Variants in HERC3 observed in about 807,000 individuals in gnomAD.
HERC3 encodes the protein HECT and RLD domain containing E3 ubiquitin protein ligase 3.
Under a neutral mutation model 129.9 loss-of-function variants are expected in HERC3, and 58 were observed. That is an observed-to-expected ratio of 0.45 (90% CI 0.36 to 0.56). HERC3 has a LOEUF of 0.56. Among genes scored for constraint, HERC3 ranks in the 20% least tolerant of loss-of-function variants. The probability of loss-of-function intolerance (pLI) is 0.00; values close to 1 mark genes in which losing one functional copy is unlikely to be tolerated. For missense variants in HERC3, 835 were observed against 1,244.2 expected (o/e 0.67, Z 4.95); for synonymous variants, 430 against 451.0 (o/e 0.95, Z 0.59).
At chr4:88,531,646 G>A in the HERC3 span, among the ~76,000 whole-genome samples, 4 of 152,110 alleles carry the variant, frequency 2.6e-5, no homozygotes, top group Non-Finnish European at 4.4e-5. Context: ...GTTGGAAAAC[G>A]AACAAGTACA....
intron 3 of HERC3, among the ~76,000 whole-genome samples, chr4:88,606,269 T>G (rs1171924326): frequency 1.9e-4 from 27 of 144,874 alleles, no homozygotes; most frequent in Non-Finnish European, 3.3e-4. Context: ...TTTTTTTTTT[T>G]GAGATATGGT....
In HERC3 at chr4:88,652,875, A is replaced by T. The variant is rs755279614; in HGVS notation, c.470A>T (p.Gln157Leu). Residue 157 changes from glutamine to leucine, a missense_variant, in exon 6 of 26, where the codon CAG (glutamine) becomes CTG (leucine). Gln to Leu is a moderately radical substitution (Grantham distance 113). Transcript: ENST00000402738. ...AGTTATCCTGTTATTTCAGATGGCC[A>T]GTTCTTCACCTGGGGAAAGAACAGC... ...WHCLALAADG[Q>L]FFTWGKNSHG... The T allele has an allele frequency of 6.2e-7, 1 of 1,606,474 alleles. No homozygotes were observed. The highest frequency in any genetic ancestry group is 8.5e-7 in the Non-Finnish European group (1 of 1,174,690).
At chr4:88,674,747 AGAGT>A (rs1400784529) in intron 16 of HERC3, among the ~76,000 whole-genome samples, 3 of 152,154 alleles carry the variant, frequency 2.0e-5, no homozygotes, top group African/African-American at 7.2e-5. Context: ...TGTAGGCATG[AGAGT>A]GAGTAAGATT....
intron 23 of HERC3, 57 bp downstream of exon 23, chr4:88,687,356 A>C (rs1299811876): frequency 2.6e-6 from 3 of 1,147,850 alleles, no homozygotes; most frequent in Non-Finnish European, 3.8e-6. Context: ...CTGCAGTTTT[A>C]CATTTAAGAC....
chr4:88,560,038 C>T, the HERC3 span, among the ~76,000 whole-genome samples: 1 of 151,050 alleles, frequency 6.6e-6, no homozygotes, highest in Non-Finnish European at 1.5e-5. Context: ...TGGCTCACTG[C>T]AACCTCCACC....
At chr4:88,704,346 TC>T in intron 24 of HERC3, 65 bp downstream of exon 24, 1 of 1,511,866 alleles carries the variant, frequency 6.6e-7, no homozygotes. Flanking sequence ...GGGGAGGTGT[TC>T]CCAGAGCCTG....
chr4:88,611,499 T>G (rs1373121128), intron 3 of HERC3, among the ~76,000 whole-genome samples: 2 of 152,202 alleles, frequency 1.3e-5, no homozygotes, highest in Middle Eastern at 3.2e-3. Flanking sequence ...AAGAGGATTT[T>G]TCTGGGGGTT....
At chr4:88,698,148 C>G (rs540200050) in intron 23 of HERC3, among the ~76,000 whole-genome samples, 22 of 152,310 alleles carry the variant, frequency 1.4e-4, no homozygotes, top group African/African-American at 5.3e-4. Context: ...TCCTCACCCC[C>G]ATCCAGGCCC....
intron 25 of HERC3, among the ~76,000 whole-genome samples, chr4:88,705,786 G>A (rs986622429): frequency 6.6e-6 from 1 of 152,188 alleles, no homozygotes; most frequent in Non-Finnish European, 1.5e-5. Context: ...AGTCTATTTT[G>A]CTTTATAAGA....
At chr4:88,578,794 A>G in the HERC3 span, among the ~76,000 whole-genome samples, 1 of 152,190 alleles carries the variant, frequency 6.6e-6, no homozygotes, top group South Asian at 2.1e-4. Context: ...ACAAGAAAAC[A>G]GAGGCATGGG....
At chr4:88,635,001 T>A (rs1324348362) in intron 3 of HERC3, among the ~76,000 whole-genome samples, 1 of 151,740 alleles carries the variant, frequency 6.6e-6, no homozygotes, top group East Asian at 1.9e-4. Flanking sequence ...TATCCAAGGG[T>A]TAGCAGGCTC....
intron 3 of HERC3, among the ~76,000 whole-genome samples, chr4:88,642,315 A>G (rs186570169): frequency 6.6e-6 from 1 of 152,274 alleles, no homozygotes; most frequent in Non-Finnish European, 1.5e-5. Context: ...TGATACAGAA[A>G]ACAGAATTTG....
rs1283805398 is a variant in HERC3, at chr4:88,707,687, G to A, written c.*727G>A. On this transcript the variant is annotated 3_prime_UTR_variant, in exon 26 of 26. Transcript: ENST00000402738. ...GCAGCTTAGCATTCGTTGCAGCTGA[G>A]CCTAATTTTTTCTTGCTCATCCTTG... 1.3e-5 allele frequency: 2 copies of A among 152,204 alleles called. No individual in the cohort carries two copies. The highest frequency in any genetic ancestry group is 6.5e-5 in the Admixed American group (1 of 15,274). The allele number at this position is 152,204 out of a possible 1,614,324, so 9.4% of individuals were successfully genotyped here. A position where few individuals can be genotyped will look rare whatever the true frequency, so the allele number is the denominator to read the frequency against.
the HERC3 span, among the ~76,000 whole-genome samples, chr4:88,546,505 C>T: frequency 6.6e-6 from 1 of 151,576 alleles, no homozygotes; most frequent in African/African-American, 2.4e-5. Flanking sequence ...CCCTTCCTCC[C>T]TTCCTCCTTT....
At chr4:88,563,568 TATC>T in the HERC3 span, among the ~76,000 whole-genome samples, 2 of 152,194 alleles carry the variant, frequency 1.3e-5, no homozygotes, top group African/African-American at 4.8e-5. Flanking sequence ...TGGGCATCCT[TATC>T]ATGTTCTAGA....
chr4:88,644,068 A>G (rs1728435279), intron 3 of HERC3, among the ~76,000 whole-genome samples: 1 of 152,194 alleles, frequency 6.6e-6, no homozygotes, highest in Non-Finnish European at 1.5e-5. Flanking sequence ...TGCAAATTAA[A>G]ACCGTAATGA....
chr4:88,537,790 T>C, the HERC3 span, among the ~76,000 whole-genome samples: 1 of 152,320 alleles, frequency 6.6e-6, no homozygotes, highest in Admixed American at 6.5e-5. Context: ...AAATTATTTA[T>C]AAAAACAAGA....
At chr4:88,600,837 G>A (rs530231845) in intron 2 of HERC3, among the ~76,000 whole-genome samples, 1 of 152,244 alleles carries the variant, frequency 6.6e-6, no homozygotes, top group Non-Finnish European at 1.5e-5. Context: ...TCTCTGTAAG[G>A]CACATCACAA....
At chr4:88,656,085 A>T in intron 9 of HERC3, 50 bp downstream of exon 9, 1 of 1,570,016 alleles carries the variant, frequency 6.4e-7, no homozygotes, top group South Asian at 1.1e-5. Flanking sequence ...TGATGAAAAC[A>T]GTTGTTTACA....
Sources: gnomAD v4.1 joint callset for allele counts (sites outside exome capture counted in the v4.1 genomes callset) on GRCh38, gnomAD v4.1.1 for gene constraint, MANE v1.5 for transcripts, NCBI Gene and HGNC (gene_info 2026-07-23, HGNC 2026-07-21) for gene names.